The following KDM4A variants were observed in gnomAD, a reference collection of about 807,000 sequenced individuals.
KDM4A encodes lysine-specific demethylase 4A.
In KDM4A, 23 loss-of-function variants were observed where a neutral mutation model predicts 127.1. The observed-to-expected ratio is 0.18, with a 90% CI of 0.13 to 0.26. KDM4A has a LOEUF of 0.26. Among genes scored for constraint, KDM4A ranks in the 10% least tolerant of loss-of-function variants. KDM4A has a pLI of 1.00. For synonymous variants in KDM4A, 443 were observed against 466.5 expected, an observed-to-expected ratio of 0.95 and a Z score of 0.65; for missense variants, 890 against 1,329.1, an observed-to-expected ratio of 0.67 and a Z score of 5.14.
At position 43,690,652 on chromosome 1, in the gene KDM4A, G is replaced by T. The variant is rs1570865620; in HGVS notation, c.2038-193G>T. The T allele has an allele frequency of 6.3e-6, 4 of 634,540 alleles. No individual in the cohort carries two copies. The East Asian group carries it at 1.1e-4, about 17-fold the overall frequency. The allele number at this position is 634,540 out of a possible 1,614,324, so 39.3% of individuals were successfully genotyped here. ...TGTCCCCTAGGGGCCTTTGTATGATGCTGCTGTGAGAAACTGAATTTGAGT... is the reference window on the plus strand; with the variant it reads ...TGTCCCCTAGGGGCCTTTGTATGATTCTGCTGTGAGAAACTGAATTTGAGT... On this transcript the variant is annotated intron_variant, in intron 13 of 21. Transcript: ENST00000372396.
chr1:43,654,529 ATTC>A (rs1363342779), intron 2 of KDM4A, among the ~76,000 whole-genome samples: 3 of 149,444 alleles, frequency 2.0e-5, no homozygotes, highest in Non-Finnish European at 3.0e-5. Context: ...GATTCAACTC[ATTC>A]TTCTTTTTTC....
At chr1:43,662,427 G>C (rs1660404912) in intron 4 of KDM4A, among the ~76,000 whole-genome samples, 1 of 152,068 alleles carries the variant, frequency 6.6e-6, no homozygotes, top group Non-Finnish European at 1.5e-5. Context: ...GGCCAAGATG[G>C]TGAAACCCCG....
chr1:43,684,304 A>G (rs1660921172), intron 12 of KDM4A, among the ~76,000 whole-genome samples: 1 of 152,156 alleles, frequency 6.6e-6, no homozygotes, highest in South Asian at 2.1e-4. Context: ...GGAGATCGAG[A>G]CCATCCTGGC....
chr1:43,653,248 C>G lies in KDM4A; in HGVS notation c.73C>G (p.Arg25Gly). The G allele has an allele frequency of 5.0e-6, 8 of 1,613,952 alleles. No homozygotes were observed. The highest frequency in any genetic ancestry group is 6.8e-6 in the Non-Finnish European group (8 of 1,179,912). The change falls in exon 2 of 22, where the codon CGA becomes GGA. Residue 25 changes from arginine to glycine, a missense_variant. Arg to Gly is a moderately radical substitution (Grantham distance 125, BLOSUM62 -2). Coordinates refer to ENST00000372396, the MANE Select transcript of KDM4A (RefSeq NM_014663.3). ...CTTTTATCCAACTATGGAAGAGTTC[C>G]GAAACTTCAGTAGATACATTGCCTA... ...MTFYPTMEEF[R>G]NFSRYIAYIE...
intron 12 of KDM4A, among the ~76,000 whole-genome samples, chr1:43,686,818 A>G (rs1040683761): frequency 6.6e-6 from 1 of 152,234 alleles, no homozygotes; most frequent in Admixed American, 6.5e-5. Context: ...ATTTCAATTC[A>G]AGCATAACAA....
chr1:43,691,686 C>T (rs747027769), intron 15 of KDM4A, 114 bp downstream of exon 15: 11 of 878,812 alleles, frequency 1.3e-5, no homozygotes, highest in Middle Eastern at 2.2e-4. Flanking sequence ...GTCTGGTACG[C>T]GGTGATGTCA....
At chr1:43,681,643 CT>C (rs1170957625) in intron 11 of KDM4A, among the ~76,000 whole-genome samples, 1 of 152,152 alleles carries the variant, frequency 6.6e-6, no homozygotes, top group Non-Finnish European at 1.5e-5. Context: ...TATTCCCATC[CT>C]TTTTTTCCCT....
intron 18 of KDM4A, 111 bp from the exon 19 acceptor site, chr1:43,697,732 C>T (rs375138824): frequency 1.9e-6 from 2 of 1,066,136 alleles, no homozygotes; most frequent in Admixed American, 2.4e-5. Context: ...TTTACTTTTA[C>T]TTTCCCATGC....
At chr1:43,654,472 T>G (rs925210633) in intron 2 of KDM4A, among the ~76,000 whole-genome samples, 9 of 151,978 alleles carry the variant, frequency 5.9e-5, no homozygotes, top group Admixed American at 6.6e-5. Context: ...TTTTTTTTTC[T>G]TTTTTCCTTT....
intron 12 of KDM4A, among the ~76,000 whole-genome samples, chr1:43,686,016 C>G (rs1660967063): frequency 1.3e-5 from 2 of 152,120 alleles, no homozygotes; most frequent in Non-Finnish European, 2.9e-5. Context: ...TAAAAGATGA[C>G]CATTTTGAAT....
At chr1:43,697,268 G>T (rs1432275720) in intron 18 of KDM4A, among the ~76,000 whole-genome samples, 1 of 152,232 alleles carries the variant, frequency 6.6e-6, no homozygotes. Flanking sequence ...CACATACTTT[G>T]TGATCCTGTT....
chr1:43,665,913 T>C (rs1660491524), intron 6 of KDM4A, among the ~76,000 whole-genome samples, 168 bp downstream of exon 6: 1 of 152,170 alleles, frequency 6.6e-6, no homozygotes, highest in Non-Finnish European at 1.5e-5. Context: ...ACGGAGCCTT[T>C]TCTTCCTTTG....
chr1:43,696,579 G>GA (rs1463720935), intron 18 of KDM4A, among the ~76,000 whole-genome samples: 2 of 152,180 alleles, frequency 1.3e-5, no homozygotes, highest in Non-Finnish European at 2.9e-5. Context: ...TGAGACTCCG[G>GA]AGTGTCTCAA....
At chr1:43,656,762 G>A (rs180738150) in intron 3 of KDM4A, among the ~76,000 whole-genome samples, 50 of 145,508 alleles carry the variant, frequency 3.4e-4, no homozygotes, top group African/African-American at 1.1e-3. Context: ...AGTCTCGCTC[G>A]TTCCCCAGGC....
Position 43,683,713 on chromosome 1 carries a change from A to G in KDM4A, c.1764A>G (p.Glu588=), listed in dbSNP as rs778163726. 30 of 1,613,886 alleles carry G rather than the reference A, an allele frequency of 1.9e-5. No individual in the cohort carries two copies. Among genetic ancestry groups the G allele is most frequent in the Non-Finnish European group, 5.9e-6 (7 of 1,179,996 alleles). ...EVADEYMFSL[E]ENKKSKGRRQ... ...CAGATGAATACATGTTTTCCCTAGA[A>G]GAGAATAAGAAGTCCAAGGGACGCC... Residue 588 remains glutamate, a synonymous_variant, in exon 12 of 22, where the codon GAA becomes GAG. Coordinates refer to ENST00000372396, the MANE Select transcript of KDM4A (RefSeq NM_014663.3).
intron 11 of KDM4A, among the ~76,000 whole-genome samples, chr1:43,678,587 GTTTT>G (rs35182358): frequency 7.4e-6 from 1 of 134,490 alleles, no homozygotes; most frequent in South Asian, 2.4e-4. Flanking sequence ...CTGCAGATAG[GTTTT>G]TTTTTTTTTT....
Position 43,694,635 on chromosome 1 carries a change from T to G in KDM4A, c.2485-74T>G. ...TGGCTCTTGCTTGCTTGGCTTTGCATTTGGGAGGGGAACAACAGAGGAAGC... is the reference window on the plus strand; with the variant it reads ...TGGCTCTTGCTTGCTTGGCTTTGCAGTTGGGAGGGGAACAACAGAGGAAGC... On this transcript the variant is annotated intron_variant, in intron 17 of 21. Transcript: ENST00000372396. The surrounding 1 kb of genome is among the most constrained non-coding windows in gnomAD (Gnocchi z 5.2). 3 of 1,349,000 alleles carry G rather than the reference T, an allele frequency of 2.2e-6. No homozygotes were observed. The highest frequency in any genetic ancestry group is 3.1e-6 in the Non-Finnish European group (3 of 966,380). 83.6% of individuals were successfully genotyped at this position (1,349,000 alleles called of 1,614,324 possible).
chr1:43,665,592 A>T, intron 5 of KDM4A, 104 bp from the exon 6 acceptor site: 1 of 635,640 alleles, frequency 1.6e-6, no homozygotes, highest in Admixed American at 3.0e-5. Context: ...TTGGGAAGTT[A>T]AAAAAAAAAT....
chr1:43,660,485 A>C (rs1660347782), intron 4 of KDM4A, 73 bp downstream of exon 4: 1 of 1,527,598 alleles, frequency 6.5e-7, no homozygotes, highest in Non-Finnish European at 8.8e-7. Flanking sequence ...CCCGGCACGT[A>C]GTAGGCACCT....
Sources: gnomAD v4.1 joint callset for allele counts (sites outside exome capture counted in the v4.1 genomes callset) on GRCh38, gnomAD v4.1.1 for gene constraint, Gnocchi (gnomAD v3.1) non-coding constraint, MANE v1.5 for transcripts, NCBI Gene and HGNC (gene_info 2026-07-23, HGNC 2026-07-21) for gene names.